Variants in VDAC2 observed in about 807,000 individuals in gnomAD.
The protein encoded by VDAC2 is non-selective voltage-gated ion channel VDAC2.
A neutral mutation model predicts 36.6 loss-of-function variants in VDAC2; 6 were observed. That is an observed-to-expected ratio of 0.16 (90% confidence interval 0.09 to 0.32). VDAC2 has a LOEUF of 0.32. Ranked by LOEUF, VDAC2 falls within the 10% of genes least tolerant of loss-of-function variation. The probability of loss-of-function intolerance (pLI) is 1.00; values close to 1 mark genes in which losing one functional copy is unlikely to be tolerated. For synonymous variants in VDAC2, 109 were observed against 123.8 expected, an observed-to-expected ratio of 0.88 and a Z score of 0.79; for missense variants, 247 against 346.0, an observed-to-expected ratio of 0.71 and a Z score of 2.27.
intron 8 of VDAC2, among the ~76,000 whole-genome samples, chr10:75,223,522 A>G (rs148721859): frequency 0.022 from 3,281 of 152,282 alleles, 135 homozygotes; most frequent in African/African-American, 0.074. Context: ...TTCCCACTTC[A>G]GTAATGTTAG....
At chr10:75,211,443 G>T in intron 2 of VDAC2, 2 of 1,486,968 alleles carry the variant, frequency 1.3e-6, no homozygotes, top group Non-Finnish European at 1.8e-6. Flanking sequence ...TTGACGTATA[G>T]AAGTAAAAAG....
At chr10:75,228,740 C>T (rs1419541437) in intron 8 of VDAC2, among the ~76,000 whole-genome samples, 1 of 152,154 alleles carries the variant, frequency 6.6e-6, no homozygotes, top group Non-Finnish European at 1.5e-5. Context: ...CTGTTTTGGT[C>T]ACATAGTCTG....
chr10:75,219,541 T>A (rs1841736577), intron 6 of VDAC2, among the ~76,000 whole-genome samples, 185 bp downstream of exon 6: 3 of 152,242 alleles, frequency 2.0e-5, no homozygotes, highest in African/African-American at 4.8e-5. Context: ...TGGAGTGCAG[T>A]GGCATCATCT....
upstream of VDAC2, among the ~76,000 whole-genome samples, chr10:75,210,443 C>T (rs1361595849): frequency 6.6e-6 from 1 of 152,222 alleles, no homozygotes; most frequent in Non-Finnish European, 1.5e-5. Context: ...TCTACGTGAC[C>T]CTGGTGCGCA....
intron 2 of VDAC2, 24 bp downstream of exon 2, chr10:75,211,213 G>A (rs375898990): frequency 2.5e-6 from 4 of 1,611,306 alleles, no homozygotes; most frequent in Non-Finnish European, 3.4e-6. Flanking sequence ...GGATCTCTGC[G>A]GGATGGGGCG....
intron 9 of VDAC2, among the ~76,000 whole-genome samples, 200 bp from the exon 10 acceptor site, chr10:75,230,698 C>T (rs1459819880): frequency 2.0e-5 from 3 of 152,144 alleles, no homozygotes; most frequent in Non-Finnish European, 2.9e-5. Flanking sequence ...TGACTTGGTG[C>T]CTTAGCTAGA....
chr10:75,211,244 G>A (rs899527471), intron 2 of VDAC2, 55 bp downstream of exon 2: 3 of 1,596,138 alleles, frequency 1.9e-6, no homozygotes, highest in Non-Finnish European at 2.6e-6. Flanking sequence ...GAAGCCTGTC[G>A]ACCAGAAACC....
At chr10:75,223,281 T>C (rs1214946967) in intron 8 of VDAC2, among the ~76,000 whole-genome samples, 4 of 152,168 alleles carry the variant, frequency 2.6e-5, no homozygotes, top group Non-Finnish European at 5.9e-5. Context: ...GCTGGCCGCC[T>C]TCTCCATTTC....
chr10:75,216,984 G>A (rs923639491), intron 4 of VDAC2, among the ~76,000 whole-genome samples: 4 of 152,194 alleles, frequency 2.6e-5, no homozygotes, highest in African/African-American at 9.7e-5. Context: ...GCTGGTCACA[G>A]TGGCTCATTC....
At chr10:75,215,259 GT>G (rs961756945) in intron 4 of VDAC2, among the ~76,000 whole-genome samples, 1 of 151,304 alleles carries the variant, frequency 6.6e-6, no homozygotes, top group African/African-American at 2.4e-5. Context: ...AAAAATTTTT[GT>G]TTTGAGATTA....
At chr10:75,218,976 G>A in intron 4 of VDAC2, 87 bp from the exon 5 acceptor site, 2 of 1,357,460 alleles carry the variant, frequency 1.5e-6, no homozygotes, top group Non-Finnish European at 2.0e-6. Flanking sequence ...AAATGTTTCA[G>A]GGGGTTTGTG....
intron 4 of VDAC2, 122 bp downstream of exon 4, chr10:75,214,192 T>G (rs1841526632): frequency 9.6e-7 from 1 of 1,040,714 alleles, no homozygotes; most frequent in Non-Finnish European, 1.4e-6. Flanking sequence ...TAACTTTGTT[T>G]TAAGAGATTT....
At chr10:75,217,505 G>A (rs1209760310) in intron 4 of VDAC2, among the ~76,000 whole-genome samples, 1 of 152,144 alleles carries the variant, frequency 6.6e-6, no homozygotes. Context: ...AGACTCCTGA[G>A]TAGCTGGGAT....
At position 75,223,627 on chromosome 10, in the gene VDAC2, T is replaced by C. The variant is rs554178338; in HGVS notation, c.735+1225T>C. Among the ~76,000 whole-genome samples the C allele has an allele frequency of 3.3e-5, 5 of 152,334 alleles. No homozygotes were observed. The South Asian group carries it at 6.2e-4, about 19-fold the overall frequency. ...TTGGTTCTCCTTCCCTCTCCTGGCATAGAACTCCTAAAAAATCCTTGGAAT... is the reference window on the plus strand; with the variant it reads ...TTGGTTCTCCTTCCCTCTCCTGGCACAGAACTCCTAAAAAATCCTTGGAAT... On this transcript the variant is annotated intron_variant, in intron 8 of 9. Coordinates refer to ENST00000332211, the MANE Select transcript of VDAC2 (RefSeq NM_001391963.1).
chr10:75,211,578 G>C (rs894813742), intron 2 of VDAC2: 1 of 1,550,616 alleles, frequency 6.4e-7, no homozygotes, highest in African/African-American at 1.4e-5. Context: ...GTGCTTTGTG[G>C]AATGAATGAG....
intron 9 of VDAC2, 26 bp downstream of exon 9, chr10:75,229,727 T>G (rs758710378): frequency 5.1e-6 from 8 of 1,561,210 alleles, no homozygotes; most frequent in Non-Finnish European, 6.9e-6. Flanking sequence ...AAAGTAGGAT[T>G]GTTTTGATAG....
intron 8 of VDAC2, among the ~76,000 whole-genome samples, chr10:75,227,095 C>T (rs1841976048): frequency 6.6e-6 from 1 of 152,132 alleles, no homozygotes. Context: ...AGCTCCTGTG[C>T]TTGGGACCCT....
At chr10:75,219,499 T>C (rs1590004478) in intron 6 of VDAC2, 143 bp downstream of exon 6, 2 of 719,232 alleles carry the variant, frequency 2.8e-6, no homozygotes, top group East Asian at 5.9e-5. Context: ...ATTTATTTAT[T>C]TGAGATGGAG....
intron 2 of VDAC2, among the ~76,000 whole-genome samples, chr10:75,212,010 C>T (rs924935716): frequency 3.3e-5 from 5 of 152,200 alleles, no homozygotes; most frequent in Non-Finnish European, 7.3e-5. Flanking sequence ...AACGAATTCC[C>T]CAAGTTTGTA....
Sources: gnomAD v4.1 joint callset for allele counts (sites outside exome capture counted in the v4.1 genomes callset) on GRCh38, gnomAD v4.1.1 for gene constraint, MANE v1.5 for transcripts, NCBI Gene and HGNC (gene_info 2026-07-23, HGNC 2026-07-21) for gene names.